The following ZBTB20 variants were observed in gnomAD, a reference collection of about 807,000 sequenced individuals.
ZBTB20 encodes the protein zinc finger and BTB domain-containing protein 20.
Under a neutral mutation model 56.9 loss-of-function variants are expected in ZBTB20, and 9 were observed. The ratio of observed to expected loss-of-function variants is 0.16; its 90% CI spans 0.10 to 0.28. The LOEUF (loss-of-function observed/expected upper bound fraction) is 0.28. ZBTB20 is among the 10% of genes least tolerant of loss of function. ZBTB20 has a pLI of 1.00. For missense variants in ZBTB20, 655 were observed against 1,003.0 expected (o/e 0.65, Z 4.69); for synonymous variants, 417 against 420.7 (o/e 0.99, Z 0.11).
chr3:114,682,729 A>G (rs920127273), intron 6 of ZBTB20, among the ~76,000 whole-genome samples: 2 of 152,164 alleles, frequency 1.3e-5, no homozygotes, highest in Non-Finnish European at 2.9e-5. Context: ...AACCAATAAT[A>G]TATGTGATAG....
intron 7 of ZBTB20, among the ~76,000 whole-genome samples, chr3:114,454,311 C>T (rs1469500631): frequency 6.6e-6 from 1 of 151,498 alleles, no homozygotes; most frequent in Non-Finnish European, 1.5e-5. Context: ...TCTAAATCCA[C>T]CTGCTAGAAA....
intron 6 of ZBTB20, chr3:114,687,854 G>C (rs1020805326): frequency 3.3e-5 from 5 of 152,078 alleles, no homozygotes; most frequent in Non-Finnish European, 7.4e-5. Flanking sequence ...ACTAAACTTG[G>C]ATCTCCAAAG....
intron 11 of ZBTB20, among the ~76,000 whole-genome samples, chr3:114,346,308 T>C (rs372559350): frequency 6.6e-6 from 1 of 152,180 alleles, no homozygotes. Context: ...TCCTGGGTAG[T>C]AGGGGCGAAA....
intron 3 of ZBTB20, among the ~76,000 whole-genome samples, chr3:114,900,830 T>C (rs764631274): frequency 6.6e-6 from 1 of 152,090 alleles, no homozygotes; most frequent in African/African-American, 2.4e-5. Flanking sequence ...TAAATGAAAG[T>C]AAACTTTGAA....
intron 6 of ZBTB20, among the ~76,000 whole-genome samples, chr3:114,621,898 C>A (rs2058349357): frequency 1.3e-5 from 2 of 152,146 alleles, no homozygotes; most frequent in Admixed American, 6.6e-5. Context: ...CAAATTCTGA[C>A]TTCTTATATA....
intron 10 of ZBTB20, 75 bp downstream of exon 10, chr3:114,380,142 A>T (rs1351559129): frequency 1.5e-6 from 2 of 1,379,166 alleles, no homozygotes; most frequent in African/African-American, 2.9e-5. Flanking sequence ...CTCTGAAAGT[A>T]GAAAAGCCAG....
At chr3:114,947,524 G>C (rs916798939) in intron 3 of ZBTB20, among the ~76,000 whole-genome samples, 1 of 145,886 alleles carries the variant, frequency 6.9e-6, no homozygotes, top group East Asian at 1.9e-4. Flanking sequence ...TGGAAGTGGA[G>C]GCCACTATTG....
chr3:114,342,504 G>T (rs2079859798), intron 11 of ZBTB20, among the ~76,000 whole-genome samples: 1 of 152,200 alleles, frequency 6.6e-6, no homozygotes, highest in South Asian at 2.1e-4. Context: ...CTATACAGAT[G>T]TAGGAGTCAG....
chr3:114,429,127 T>C (rs1335841987), intron 7 of ZBTB20, among the ~76,000 whole-genome samples: 1 of 152,196 alleles, frequency 6.6e-6, no homozygotes, highest in Non-Finnish European at 1.5e-5. Context: ...ACGGACTAGA[T>C]TCATTTGTTC....
At chr3:114,638,152 A>G (rs369350740) in intron 6 of ZBTB20, among the ~76,000 whole-genome samples, 58 of 152,104 alleles carry the variant, frequency 3.8e-4, no homozygotes, top group African/African-American at 1.3e-3. Flanking sequence ...GTTATAGCCA[A>G]TAAGATCTAT....
intron 6 of ZBTB20, among the ~76,000 whole-genome samples, chr3:114,660,150 A>C (rs993537152): frequency 1.3e-4 from 20 of 152,168 alleles, no homozygotes; most frequent in African/African-American, 4.8e-4. Flanking sequence ...CTTATAATGA[A>C]TACCTCTGGC....
intron 6 of ZBTB20, chr3:114,527,125 A>G (rs2047314939): frequency 6.6e-6 from 1 of 152,210 alleles, no homozygotes; most frequent in Non-Finnish European, 1.5e-5. Flanking sequence ...GAGCACCTCC[A>G]TATTTAGCTG....
intron 7 of ZBTB20, among the ~76,000 whole-genome samples, chr3:114,438,427 AAAAAAAAC>A (rs1204505490): frequency 5.6e-4 from 59 of 105,030 alleles, no homozygotes; most frequent in Middle Eastern, 4.8e-3. Context: ...AAAAAAAAAC[AAAAAAAAC>A]CAAAAAAAAA....
intron 3 of ZBTB20, among the ~76,000 whole-genome samples, chr3:114,966,659 A>C (rs1418696354): frequency 2.0e-5 from 3 of 152,074 alleles, no homozygotes; most frequent in African/African-American, 7.2e-5. Context: ...ATAAAATGGT[A>C]TGTCCAGTAT....
At chr3:114,615,100 A>C (rs1157767767) in intron 6 of ZBTB20, among the ~76,000 whole-genome samples, 1 of 152,192 alleles carries the variant, frequency 6.6e-6, no homozygotes, top group Admixed American at 6.5e-5. Context: ...TTGATTGTTC[A>C]TGTGGGAGCA....
At chr3:114,592,773 A>G (rs1043899595) in intron 6 of ZBTB20, among the ~76,000 whole-genome samples, 1 of 152,134 alleles carries the variant, frequency 6.6e-6, no homozygotes, top group Non-Finnish European at 1.5e-5. Flanking sequence ...CTTTTGTCCA[A>G]TCTTTTCCCC....
chr3:115,017,628 T>A (rs2108289607), intron 2 of ZBTB20, among the ~76,000 whole-genome samples: 1 of 151,704 alleles, frequency 6.6e-6, no homozygotes, highest in African/African-American at 2.4e-5. Flanking sequence ...TGAGGAAGTA[T>A]GTTATCATTA....
At chr3:114,835,527 A>T (rs2074075303) in intron 4 of ZBTB20, among the ~76,000 whole-genome samples, 1 of 152,210 alleles carries the variant, frequency 6.6e-6, no homozygotes, top group African/African-American at 2.4e-5. Flanking sequence ...AATCTGATGG[A>T]ACAATACAAT....
chr3:114,626,493 C>T (rs1399477084), intron 6 of ZBTB20, among the ~76,000 whole-genome samples: 2 of 152,096 alleles, frequency 1.3e-5, no homozygotes, highest in Non-Finnish European at 2.9e-5. Context: ...GTGAAAGAAT[C>T]CCCCTCCAGT....
Sources: gnomAD v4.1 joint callset for allele counts (sites outside exome capture counted in the v4.1 genomes callset) on GRCh38, gnomAD v4.1.1 for gene constraint, MANE v1.5 for transcripts, NCBI Gene and HGNC (gene_info 2026-07-23, HGNC 2026-07-21) for gene names.